The following HAO1 variants were observed in gnomAD, a reference collection of about 807,000 sequenced individuals.
HAO1 encodes hydroxyacid oxidase 1, also known as 2-Hydroxyacid oxidase 1.
Under a neutral mutation model 39.7 loss-of-function variants are expected in HAO1, and 34 were observed. The ratio of observed to expected loss-of-function variants is 0.86; its 90% CI spans 0.65 to 1.14. The LOEUF (loss-of-function observed/expected upper bound fraction) is 1.14. Ranked by LOEUF, HAO1 falls within the 50% of genes most tolerant of loss-of-function variation. HAO1 has a pLI of 0.00. For missense variants in HAO1, 479 were observed against 464.5 expected, an observed-to-expected ratio of 1.03 and a Z score of -0.29; for synonymous variants, 172 against 173.2, an observed-to-expected ratio of 0.99 and a Z score of 0.05.
At chr20:7,903,181 G>A (rs1209430337) in intron 4 of HAO1, among the ~76,000 whole-genome samples, 1 of 151,916 alleles carries the variant, frequency 6.6e-6, no homozygotes, top group African/African-American at 2.4e-5. Context: ...GATGATTCTT[G>A]TTTGTTAAAT....
intron 2 of HAO1, among the ~76,000 whole-genome samples, chr20:7,929,730 G>A (rs540850505): frequency 5.9e-5 from 9 of 152,228 alleles, no homozygotes; most frequent in South Asian, 4.1e-4. Flanking sequence ...CAGCCGTCGC[G>A]GTGCGTGCCT....
intron 4 of HAO1, among the ~76,000 whole-genome samples, chr20:7,896,116 T>C (rs2050196471): frequency 6.7e-6 from 1 of 149,290 alleles, no homozygotes. Flanking sequence ...CTAATCATGT[T>C]TTAAAATATA....
chr20:7,928,495 CT>C (rs35798481), intron 2 of HAO1, among the ~76,000 whole-genome samples: 40,935 of 140,136 alleles, frequency 0.29, 5,905 homozygotes, highest in East Asian at 0.5. Context: ...AAAGTTTTTT[CT>C]TTTTTTTTTT....
intron 2 of HAO1, among the ~76,000 whole-genome samples, chr20:7,922,093 C>T (rs900519908): frequency 6.6e-6 from 1 of 151,900 alleles, no homozygotes; most frequent in African/African-American, 2.4e-5. Context: ...CACATGGCTC[C>T]CTGATTCTAA....
intron 2 of HAO1, among the ~76,000 whole-genome samples, chr20:7,924,441 C>G (rs1388931842): frequency 6.6e-6 from 1 of 151,952 alleles, no homozygotes; most frequent in Non-Finnish European, 1.5e-5. Flanking sequence ...GATGATGAAC[C>G]ATCAGGCAAA....
chr20:7,926,965 C>T (rs1474225812), intron 2 of HAO1, among the ~76,000 whole-genome samples: 3 of 152,088 alleles, frequency 2.0e-5, no homozygotes, highest in Non-Finnish European at 4.4e-5. Flanking sequence ...GGTCCCAGCA[C>T]TCCCTCATGT....
At chr20:7,937,182 G>T (rs1036926521) in intron 1 of HAO1, among the ~76,000 whole-genome samples, 2 of 152,038 alleles carry the variant, frequency 1.3e-5, no homozygotes, top group Admixed American at 6.5e-5. Flanking sequence ...AAAATCAAAT[G>T]ATATATACAC....
chr20:7,898,945 TAA>T (rs3215460), intron 4 of HAO1, among the ~76,000 whole-genome samples: 40 of 145,186 alleles, frequency 2.8e-4, no homozygotes, highest in Middle Eastern at 3.5e-3. Flanking sequence ...AAGTCAAATG[TAA>T]AAAAAAAAAA....
chr20:7,885,698 C>T lies in HAO1; in HGVS notation c.972+8G>A. 6.2e-7 allele frequency: 1 copy of T among 1,608,454 alleles called. No individual in the cohort carries two copies. Among genetic ancestry groups the T allele is most frequent in the Non-Finnish European group, 8.5e-7 (1 of 1,175,820 alleles). Reference sequence around the variant, plus strand: ...CTATTTTATATATTCATTTCTTTGTCCAGTTACCTGGAAAGCTAAGCCCCA... The same window carrying T: ...CTATTTTATATATTCATTTCTTTGTTCAGTTACCTGGAAAGCTAAGCCCCA... On this transcript the variant is annotated splice_region_variant and intron_variant, in intron 6 of 7. Coordinates refer to ENST00000378789, the MANE Select transcript of HAO1 (RefSeq NM_017545.3).
At chr20:7,940,221 G>A (rs1170317941) in intron 1 of HAO1, 65 bp downstream of exon 1, 1 of 1,324,094 alleles carries the variant, frequency 7.6e-7, no homozygotes, top group Non-Finnish European at 1.0e-6. Context: ...AAAACTAGGA[G>A]ATCTTATTTT....
rs1001298681 is a variant in HAO1, at chr20:7,934,748, CAAGCAAATGACTTCATA to C, written c.138-130_138-114del. 4 of 642,534 alleles carry C rather than the reference CAAGCAAATGACTTCATA, an allele frequency of 6.2e-6. No individual in the cohort carries two copies. The Admixed American group carries it at 1.0e-4, about 17-fold the overall frequency. 39.8% of individuals were successfully genotyped at this position (642,534 alleles called of 1,614,324 possible). On this transcript the variant is annotated intron_variant, in intron 1 of 7. Coordinates refer to ENST00000378789, the MANE Select transcript of HAO1 (RefSeq NM_017545.3). Reference sequence around the variant, plus strand: ...AAAATATAATTGGATTTTTTCCAAACAAGCAAATGACTTCATAAAGCTAATGGAAAAGAGGCAATTTT... The same window carrying C: ...AAAATATAATTGGATTTTTTCCAAACAAGCTAATGGAAAAGAGGCAATTTT...
At chr20:7,891,323 G>C (rs1286006961) in intron 5 of HAO1, among the ~76,000 whole-genome samples, 2 of 152,046 alleles carry the variant, frequency 1.3e-5, no homozygotes, top group Non-Finnish European at 2.9e-5. Context: ...TCATATGTTT[G>C]TTGGCCATTT....
At chr20:7,902,044 C>A (rs946165842) in intron 4 of HAO1, among the ~76,000 whole-genome samples, 2 of 152,170 alleles carry the variant, frequency 1.3e-5, no homozygotes, top group African/African-American at 4.8e-5. Context: ...AGAGTTTCTT[C>A]TTATGATGAG....
intron 2 of HAO1, among the ~76,000 whole-genome samples, chr20:7,924,951 G>A (rs554214840): frequency 4.5e-4 from 69 of 152,228 alleles, no homozygotes; most frequent in African/African-American, 1.6e-3. Flanking sequence ...CAAGTACCAA[G>A]CAGTTGTGTG....
At chr20:7,936,013 A>G (rs532648738) in intron 1 of HAO1, among the ~76,000 whole-genome samples, 4 of 152,330 alleles carry the variant, frequency 2.6e-5, no homozygotes, top group South Asian at 2.1e-4. Context: ...AAAGAAAAAA[A>G]AAGAAGAAAA....
intron 5 of HAO1, among the ~76,000 whole-genome samples, chr20:7,893,875 C>G (rs981816240): frequency 6.6e-6 from 1 of 152,178 alleles, no homozygotes; most frequent in African/African-American, 2.4e-5. Flanking sequence ...TTGGCTCTGT[C>G]TATACAGTGG....
chr20:7,920,637 C>A (rs906364006), intron 2 of HAO1, among the ~76,000 whole-genome samples: 2 of 152,028 alleles, frequency 1.3e-5, no homozygotes, highest in African/African-American at 4.8e-5. Flanking sequence ...TTCTGTGAGA[C>A]CTACCTTTTT....
intron 2 of HAO1, among the ~76,000 whole-genome samples, chr20:7,918,675 T>C (rs1195036970): frequency 6.6e-6 from 1 of 152,200 alleles, no homozygotes; most frequent in African/African-American, 2.4e-5. Flanking sequence ...CTCTTCCAAT[T>C]GCTCAAAGTC....
chr20:7,924,139 C>A (rs538223514), intron 2 of HAO1, among the ~76,000 whole-genome samples: 1 of 151,950 alleles, frequency 6.6e-6, no homozygotes, highest in Non-Finnish European at 1.5e-5. Flanking sequence ...CGCATAATGG[C>A]CCCTCAGTAC....
Sources: allele counts gnomAD v4.1 joint callset (sites outside exome capture counted in the v4.1 genomes callset), GRCh38; gene constraint gnomAD v4.1.1; transcripts MANE v1.5; gene names NCBI Gene and HGNC (gene_info 2026-07-23, HGNC 2026-07-21).